NIPSNAP3A: variants seen among roughly 807,000 people sequenced by gnomAD.
NIPSNAP3A encodes the protein protein NipSnap homolog 3A.
In NIPSNAP3A, 27 loss-of-function variants were observed where a neutral mutation model predicts 32.3. That is an observed-to-expected ratio of 0.84 (90% CI 0.62 to 1.15). The LOEUF (loss-of-function observed/expected upper bound fraction) is 1.15, where lower values mean the gene tolerates loss of function less well. NIPSNAP3A is among the 50% of genes most tolerant of loss of function. The probability of loss-of-function intolerance (pLI) is 0.00; values close to 1 mark genes in which losing one functional copy is unlikely to be tolerated. For missense variants in NIPSNAP3A, 278 were observed against 297.2 expected (o/e 0.94, Z 0.48); for synonymous variants, 108 against 107.3 (o/e 1.01, Z -0.04).
At chr9:104,757,213 T>G (rs953365353) in intron 4 of NIPSNAP3A, among the ~76,000 whole-genome samples, 1 of 152,206 alleles carries the variant, frequency 6.6e-6, no homozygotes, top group African/African-American at 2.4e-5. Flanking sequence ...GAATTGGTAA[T>G]CAGTACATCA....
rs566110837 is a variant in NIPSNAP3A, at chr9:104,750,531, A to G, written c.61-425A>G. Reference sequence around the variant, plus strand: ...CAAGAAATACCCTCTTCATTTACATAGGGTGTACACAGAGTAAATGACTTT... The same window carrying G: ...CAAGAAATACCCTCTTCATTTACATGGGGTGTACACAGAGTAAATGACTTT... On this transcript the variant is annotated intron_variant, in intron 1 of 5. Transcript: ENST00000374767. Among the ~76,000 whole-genome samples the G allele has an allele frequency of 5.9e-5, 9 of 152,332 alleles. 1 individual carries two copies. The South Asian group carries it at 1.7e-3, about 28-fold the overall frequency.
intron 1 of NIPSNAP3A, among the ~76,000 whole-genome samples, chr9:104,748,211 G>A (rs546414690): frequency 1.6e-4 from 24 of 152,300 alleles, no homozygotes; most frequent in Non-Finnish European, 2.9e-4. Flanking sequence ...GCGCTCCCAT[G>A]TTGTCACCTG....
chr9:104,758,884 C>T (rs1487098540), intron 4 of NIPSNAP3A, among the ~76,000 whole-genome samples: 2 of 144,966 alleles, frequency 1.4e-5, no homozygotes, highest in African/African-American at 2.6e-5. Context: ...GCAGGAGAAT[C>T]GCTTGAACCC....
intron 4 of NIPSNAP3A, among the ~76,000 whole-genome samples, chr9:104,757,043 C>G (rs1827914576): frequency 6.6e-6 from 1 of 152,084 alleles, no homozygotes; most frequent in Non-Finnish European, 1.5e-5. Context: ...GATCCGCCCG[C>G]CTCGGCCTCC....
chr9:104,753,793 A>C (rs960512380), intron 3 of NIPSNAP3A: 1 of 152,472 alleles, frequency 6.6e-6, no homozygotes, highest in African/African-American at 2.4e-5. Context: ...ATCTTTACCT[A>C]CTTAGGTGTC....
At chr9:104,756,238 A>T (rs1029239716) in intron 4 of NIPSNAP3A, among the ~76,000 whole-genome samples, 9 of 152,196 alleles carry the variant, frequency 5.9e-5, no homozygotes, top group African/African-American at 2.2e-4. Context: ...TAATGAAAAA[A>T]ATTTAATTCA....
At chr9:104,748,135 G>C (rs995775070) in intron 1 of NIPSNAP3A, among the ~76,000 whole-genome samples, 3 of 152,136 alleles carry the variant, frequency 2.0e-5, no homozygotes, top group Admixed American at 2.0e-4. Context: ...CACCCACCGG[G>C]ACACTCCCAT....
intron 3 of NIPSNAP3A, 105 bp downstream of exon 3, chr9:104,753,169 GTT>G: frequency 1.1e-6 from 1 of 921,896 alleles, no homozygotes; most frequent in Non-Finnish European, 1.7e-6. Context: ...TTAATTCTTT[GTT>G]TTATATAGAA....
chr9:104,759,050 A>AT, intron 4 of NIPSNAP3A, 35 bp from the exon 5 acceptor site: 3 of 1,576,314 alleles, frequency 1.9e-6, no homozygotes, highest in African/African-American at 1.4e-5. Context: ...TTAAGGCCAT[A>AT]TTTTTTAGAA....
intron 1 of NIPSNAP3A, 23 bp from the exon 2 acceptor site, chr9:104,750,933 T>C: frequency 6.4e-7 from 1 of 1,551,456 alleles, no homozygotes; most frequent in South Asian, 1.1e-5. Flanking sequence ...TCAAGATATT[T>C]ACATTTGTCT....
At position 104,759,574 on chromosome 9, in the gene NIPSNAP3A, C is replaced by T. The variant is rs188319543; in HGVS notation, c.*236C>T. ...TGTCATACATTAAAAATACTTGTCACTGTTTTAAGATCTTGACTCTTCATT... is the reference window on the plus strand; with the variant it reads ...TGTCATACATTAAAAATACTTGTCATTGTTTTAAGATCTTGACTCTTCATT... On this transcript the variant is annotated 3_prime_UTR_variant, in exon 6 of 6. Transcript: ENST00000374767. 7.9e-6 allele frequency: 4 copies of T among 505,842 alleles called. No homozygotes were observed. Among genetic ancestry groups the T allele is most frequent in the Non-Finnish European group, 1.4e-5 (4 of 280,546 alleles). The allele number at this position is 505,842 out of a possible 1,614,324, so 31.3% of individuals were successfully genotyped here. A position where few individuals can be genotyped will look rare whatever the true frequency, so the allele number is the denominator to read the frequency against.
chr9:104,751,769 A>G (rs1284656444), intron 2 of NIPSNAP3A, among the ~76,000 whole-genome samples: 47 of 152,122 alleles, frequency 3.1e-4, no homozygotes, highest in Non-Finnish European at 5.9e-5. Context: ...TGAGGAATTC[A>G]CTGTCATACT....
At chr9:104,755,248 A>G (rs995584798) in intron 4 of NIPSNAP3A, among the ~76,000 whole-genome samples, 3 of 152,096 alleles carry the variant, frequency 2.0e-5, no homozygotes, top group South Asian at 2.1e-4. Flanking sequence ...TCTCAAAAAA[A>G]AAAAAATGAA....
rs1275834723 is a variant in NIPSNAP3A, at chr9:104,749,219, A to G, written c.60+1367A>G. On this transcript the variant is annotated intron_variant, in intron 1 of 5. Transcript: ENST00000374767. ...TATTATAATAATTTTGAAATTATGGATACTAGGCACTTGCTTCTTGACCAA... is the reference window on the plus strand; with the variant it reads ...TATTATAATAATTTTGAAATTATGGGTACTAGGCACTTGCTTCTTGACCAA... 3.3e-5 allele frequency among the ~76,000 whole-genome samples: 5 copies of G among 152,328 alleles called. No individual in the cohort carries two copies. In the East Asian group the frequency reaches 5.8e-4, roughly 18 times the overall value.
intron 2 of NIPSNAP3A, among the ~76,000 whole-genome samples, chr9:104,751,679 A>G (rs1296412732): frequency 6.6e-6 from 1 of 152,152 alleles, no homozygotes; most frequent in Non-Finnish European, 1.5e-5. Flanking sequence ...TTAACTTTCA[A>G]TCCTCACTGA....
chr9:104,749,132 C>G (rs935303421), intron 1 of NIPSNAP3A, among the ~76,000 whole-genome samples: 1 of 152,260 alleles, frequency 6.6e-6, no homozygotes, highest in Non-Finnish European at 1.5e-5. Flanking sequence ...ATACAAATTC[C>G]TCGAATCAAC....
intron 1 of NIPSNAP3A, among the ~76,000 whole-genome samples, chr9:104,748,453 C>T (rs1284299907): frequency 6.6e-6 from 1 of 152,190 alleles, no homozygotes; most frequent in Non-Finnish European, 1.5e-5. Flanking sequence ...GCTCCCCCAA[C>T]CAGGCGGGAC....
chr9:104,759,115 A>C lies in NIPSNAP3A; in HGVS notation c.611A>C (p.Asp204Ala). 1 of 1,613,086 alleles carries C rather than the reference A, an allele frequency of 6.2e-7. No individual in the cohort carries two copies. The highest frequency in any genetic ancestry group is 8.5e-7 in the Non-Finnish European group (1 of 1,179,520). Residue 204 changes from aspartate (D) to alanine (A), a missense_variant, in exon 5 of 6, where the codon GAT (aspartate) becomes GCT (alanine). Transcript: ENST00000374767. Reference sequence around the variant, plus strand: ...GTTCTTTGGTGGAATGAGAGTGCAGATAGTCGTGCAGCTGGGAGACATAAG... The same window carrying C: ...GTTCTTTGGTGGAATGAGAGTGCAGCTAGTCGTGCAGCTGGGAGACATAAG... ...VHVLWWNESA[D>A]SRAAGRHKSH...
chr9:104,759,011 T>C (rs918418688), intron 4 of NIPSNAP3A, 74 bp from the exon 5 acceptor site: 9 of 1,210,430 alleles, frequency 7.4e-6, no homozygotes, highest in African/African-American at 1.5e-5. Context: ...AGGATGGGTT[T>C]GATTCATTTT....
Sources: gnomAD v4.1 joint callset for allele counts (sites outside exome capture counted in the v4.1 genomes callset) on GRCh38, gnomAD v4.1.1 for gene constraint, MANE v1.5 for transcripts, NCBI Gene and HGNC (gene_info 2026-07-23, HGNC 2026-07-21) for gene names.